Variants in SHC4 observed in about 807,000 individuals in gnomAD.
The protein encoded by SHC4 is SHC adaptor protein 4, also known as SHC-transforming protein 4.
Under a neutral mutation model 69.4 loss-of-function variants are expected in SHC4, and 41 were observed. The ratio of observed to expected loss-of-function variants is 0.59; its 90% CI spans 0.46 to 0.77. The LOEUF (loss-of-function observed/expected upper bound fraction) is 0.77, where lower values mean the gene tolerates loss of function less well. Among genes scored for constraint, SHC4 ranks in the 30% least tolerant of loss-of-function variants. The pLI is 0.00. For synonymous variants in SHC4, 318 were observed against 299.3 expected, an observed-to-expected ratio of 1.06 and a Z score of -0.64; for missense variants, 777 against 783.8, an observed-to-expected ratio of 0.99 and a Z score of 0.10.
intron 2 of SHC4, among the ~76,000 whole-genome samples, chr15:48,920,522 G>A (rs1595757903): frequency 6.6e-6 from 1 of 151,862 alleles, no homozygotes; most frequent in African/African-American, 2.4e-5. Context: ...TATTCTGCCT[G>A]CCTCAGCCTC....
chr15:48,850,484 T>C (rs944564776), intron 9 of SHC4, among the ~76,000 whole-genome samples: 1 of 152,240 alleles, frequency 6.6e-6, no homozygotes, highest in Non-Finnish European at 1.5e-5. Flanking sequence ...GTTATCCATC[T>C]GTATTCTCCA....
chr15:48,827,641 T>C (rs1050811343), intron 11 of SHC4, among the ~76,000 whole-genome samples: 20 of 152,152 alleles, frequency 1.3e-4, no homozygotes, highest in African/African-American at 4.6e-4. Context: ...ATCAATCCTG[T>C]ATACAAGTGT....
intron 5 of SHC4, among the ~76,000 whole-genome samples, chr15:48,870,552 GGATATC>G (rs1899650153): frequency 6.6e-6 from 1 of 152,098 alleles, no homozygotes; most frequent in Admixed American, 6.6e-5. Context: ...AGGGGAAACT[GGATATC>G]CATTAATTAG....
chr15:48,850,210 AATAAATAAAT>A (rs1337047070), intron 9 of SHC4, among the ~76,000 whole-genome samples: 3 of 150,242 alleles, frequency 2.0e-5, no homozygotes, highest in Non-Finnish European at 4.4e-5. Context: ...CTGAAATAAA[AATAAATAAAT>A]ATAAATAAAT....
At chr15:48,903,075 A>AT (rs1900345156) in intron 2 of SHC4, among the ~76,000 whole-genome samples, 1 of 152,194 alleles carries the variant, frequency 6.6e-6, no homozygotes, top group Non-Finnish European at 1.5e-5. Flanking sequence ...AAAAACACCC[A>AT]TTTTTTAATT....
intron 2 of SHC4, among the ~76,000 whole-genome samples, chr15:48,904,605 C>A (rs879218236): frequency 6.6e-6 from 1 of 152,058 alleles, no homozygotes; most frequent in South Asian, 2.1e-4. Flanking sequence ...TGGCTGGGCA[C>A]AGTGGCTCAC....
chr15:48,909,671 G>A (rs1189418345), intron 2 of SHC4, among the ~76,000 whole-genome samples: 2 of 152,140 alleles, frequency 1.3e-5, no homozygotes, highest in Admixed American at 1.3e-4. Flanking sequence ...TCCCTATTCA[G>A]TATTATGTTG....
chr15:48,900,694 A>C (rs6493342), intron 2 of SHC4, among the ~76,000 whole-genome samples: 148,663 of 152,146 alleles, frequency 0.98, 72,738 homozygotes, highest in East Asian at 1. Context: ...ATTTGCCCCT[A>C]AAATGCATTC....
intron 1 of SHC4, among the ~76,000 whole-genome samples, chr15:48,950,752 G>A (rs1432815091): frequency 6.6e-6 from 1 of 152,086 alleles, no homozygotes; most frequent in Non-Finnish European, 1.5e-5. Context: ...CAACAGGGAG[G>A]CACCATTCAC....
chr15:48,883,274 C>T (rs1278690077), intron 4 of SHC4, among the ~76,000 whole-genome samples: 1 of 152,090 alleles, frequency 6.6e-6, no homozygotes, highest in Non-Finnish European at 1.5e-5. Context: ...CTATGAGACA[C>T]TTAAAATCCA....
chr15:48,848,188 G>C (rs1899132671), intron 9 of SHC4, among the ~76,000 whole-genome samples: 1 of 152,120 alleles, frequency 6.6e-6, no homozygotes. Context: ...TGGGACATGG[G>C]TTGATTCCTT....
chr15:48,931,018 T>C lies in SHC4; in HGVS notation c.586-6069A>G, dbSNP rs115075801. 7.7e-3 allele frequency among the ~76,000 whole-genome samples: 1,173 copies of C among 152,324 alleles called. 22 individuals are homozygous for C. Among genetic ancestry groups the C allele is most frequent in the African/African-American group, 0.027 (1,140 of 41,590 alleles). ...CGATTTTTGTTTTCCTACTCACCTA[T>C]TGGGGTCACCTACCGCTGTCGACCT... On this transcript the variant is annotated intron_variant, in intron 1 of 11. Transcript: ENST00000332408.
chr15:48,958,378 C>T (rs1901488108), intron 1 of SHC4, among the ~76,000 whole-genome samples: 1 of 152,178 alleles, frequency 6.6e-6, no homozygotes. Flanking sequence ...TAGGAATCCT[C>T]AGTCTGCTAC....
chr15:48,884,424 A>G, intron 3 of SHC4, 57 bp from the exon 4 acceptor site: 1 of 1,443,140 alleles, frequency 6.9e-7, no homozygotes, highest in Non-Finnish European at 9.2e-7. Flanking sequence ...TACAGAATAA[A>G]TGTTAATGTT....
intron 7 of SHC4, 111 bp from the exon 8 acceptor site, chr15:48,856,235 T>C: frequency 9.9e-7 from 1 of 1,015,206 alleles, no homozygotes; most frequent in Non-Finnish European, 1.4e-6. Context: ...GCATTCATGT[T>C]TTCAGTTTAT....
intron 6 of SHC4, among the ~76,000 whole-genome samples, chr15:48,866,807 A>G (rs1899570195): frequency 6.6e-6 from 1 of 152,184 alleles, no homozygotes; most frequent in Non-Finnish European, 1.5e-5. Context: ...GGCAAACTCC[A>G]TACCTGGGAC....
intron 3 of SHC4, among the ~76,000 whole-genome samples, chr15:48,885,335 G>A (rs1300496648): frequency 1.3e-5 from 2 of 150,820 alleles, no homozygotes; most frequent in African/African-American, 4.9e-5. Flanking sequence ...AATGTGGGGG[G>A]AAAAACAGTA....
chr15:48,883,429 A>T (rs1899979558), intron 4 of SHC4, among the ~76,000 whole-genome samples: 1 of 152,226 alleles, frequency 6.6e-6, no homozygotes, highest in Non-Finnish European at 1.5e-5. Flanking sequence ...TTAGCATGTT[A>T]TTATTGCCAA....
chr15:48,857,609 T>C (rs1001279590), intron 7 of SHC4, 83 bp downstream of exon 7: 35 of 1,239,440 alleles, frequency 2.8e-5, no homozygotes, highest in African/African-American at 7.8e-5. Context: ...ATTAATGTTA[T>C]ATATACACAC....
Sources: allele counts gnomAD v4.1 joint callset (sites outside exome capture counted in the v4.1 genomes callset), GRCh38; gene constraint gnomAD v4.1.1; transcripts MANE v1.5; gene names NCBI Gene and HGNC (gene_info 2026-07-23, HGNC 2026-07-21).